The following RPRD1B variants were observed in gnomAD, a reference collection of about 807,000 sequenced individuals.
RPRD1B encodes regulation of nuclear pre-mRNA domain containing 1B.
In RPRD1B, 11 loss-of-function variants were observed where a neutral mutation model predicts 41.5. The observed-to-expected ratio is 0.27, with a 90% CI of 0.17 to 0.44. The LOEUF (loss-of-function observed/expected upper bound fraction) is 0.44, where lower values mean the gene tolerates loss of function less well. Among genes scored for constraint, RPRD1B ranks in the 20% least tolerant of loss-of-function variants. RPRD1B has a pLI of 1.00. For synonymous variants in RPRD1B, 158 were observed against 155.6 expected, an observed-to-expected ratio of 1.02 and a Z score of -0.12; for missense variants, 248 against 389.9, an observed-to-expected ratio of 0.64 and a Z score of 3.06.
intron 6 of RPRD1B, among the ~76,000 whole-genome samples, chr20:38,088,684 A>G (rs978621322): frequency 6.6e-6 from 1 of 152,242 alleles, no homozygotes; most frequent in Non-Finnish European, 1.5e-5. Context: ...AAGAAAAAAA[A>G]TATGCCCCAT....
intron 6 of RPRD1B, chr20:38,070,342 A>T (rs2074399298): frequency 2.0e-6 from 2 of 985,402 alleles, no homozygotes; most frequent in Non-Finnish European, 2.4e-6. Context: ...AAAACCTAGA[A>T]ATGGAGAAGG....
At chr20:38,035,759 A>ATT (rs909716153) in intron 1 of RPRD1B, among the ~76,000 whole-genome samples, 1 of 139,882 alleles carries the variant, frequency 7.1e-6, no homozygotes, top group Non-Finnish European at 1.5e-5. Context: ...CTCAGGTGTC[A>ATT]TTTTTTTTGT....
chr20:38,074,924 TTC>T (rs1424562605), intron 6 of RPRD1B, among the ~76,000 whole-genome samples: 1 of 152,238 alleles, frequency 6.6e-6, no homozygotes, highest in Non-Finnish European at 1.5e-5. Context: ...GCAGATAATT[TTC>T]TGTCATGCTT....
intron 1 of RPRD1B, among the ~76,000 whole-genome samples, chr20:38,036,716 C>A (rs1423387901): frequency 6.6e-5 from 10 of 152,218 alleles, no homozygotes; most frequent in Non-Finnish European, 1.3e-4. Flanking sequence ...CTATCTAATA[C>A]AATTTTCTGT....
At chr20:38,049,367 CTT>C (rs11481142) in intron 3 of RPRD1B, among the ~76,000 whole-genome samples, 2 of 93,418 alleles carry the variant, frequency 2.1e-5, no homozygotes, top group African/African-American at 4.4e-5. Context: ...TTCTTTTTTT[CTT>C]TTTTTTTTTT....
chr20:38,044,236 A>G (rs2074098157), intron 2 of RPRD1B, among the ~76,000 whole-genome samples: 1 of 152,212 alleles, frequency 6.6e-6, no homozygotes, highest in Non-Finnish European at 1.5e-5. Flanking sequence ...TTCCTCTAGC[A>G]CTGAGTTGTG....
intron 3 of RPRD1B, among the ~76,000 whole-genome samples, chr20:38,050,902 C>G (rs891529347): frequency 6.6e-6 from 1 of 152,240 alleles, no homozygotes; most frequent in Admixed American, 6.5e-5. Context: ...TCTTCACTCT[C>G]TGGACCTGAG....
At position 38,066,272 on chromosome 20, in the gene RPRD1B, G is replaced by A. The variant is rs201247490; in HGVS notation, c.831+16G>A. On this transcript the variant is annotated intron_variant, in intron 6 of 6. Transcript: ENST00000373433. Reference sequence around the variant, plus strand: ...AAAACTAGAGGTGAGTGCATTGAAGGCAGACCCAGACTGCCCACGTTTCCC... The same window carrying A: ...AAAACTAGAGGTGAGTGCATTGAAGACAGACCCAGACTGCCCACGTTTCCC... 1.1e-3 allele frequency: 1,826 copies of A among 1,612,732 alleles called. 44 individuals are homozygous for A. In the South Asian group the frequency reaches 0.017, roughly 15 times the overall value.
At chr20:38,034,722 A>ACCTCT (rs1011733080) in intron 1 of RPRD1B, among the ~76,000 whole-genome samples, 58 of 151,360 alleles carry the variant, frequency 3.8e-4, no homozygotes, top group Non-Finnish European at 6.6e-4. Flanking sequence ...CCCAGACCTT[A>ACCTCT]CCTCTCCTCT....
chr20:38,050,609 A>G (rs1225760362), intron 3 of RPRD1B, among the ~76,000 whole-genome samples: 1 of 152,242 alleles, frequency 6.6e-6, no homozygotes, highest in Non-Finnish European at 1.5e-5. Flanking sequence ...TTGAATAAAC[A>G]GATATGCTAG....
At chr20:38,035,982 T>C (rs1225146950) in intron 1 of RPRD1B, among the ~76,000 whole-genome samples, 1 of 152,020 alleles carries the variant, frequency 6.6e-6, no homozygotes. Flanking sequence ...GCCAGGATGG[T>C]CTTGATCTCC....
chr20:38,045,954 G>A (rs376096560), intron 2 of RPRD1B, among the ~76,000 whole-genome samples: 3 of 152,162 alleles, frequency 2.0e-5, no homozygotes, highest in Non-Finnish European at 2.9e-5. Flanking sequence ...TTCAGGGCTC[G>A]CTGTAATTGA....
chr20:38,066,669 T>C (rs984477173), intron 6 of RPRD1B, among the ~76,000 whole-genome samples: 3 of 152,244 alleles, frequency 2.0e-5, no homozygotes, highest in Admixed American at 1.3e-4. Context: ...TTTCTTTTTT[T>C]TTTTGAGACG....
At chr20:38,058,101 C>T (rs1203631253) in intron 4 of RPRD1B, among the ~76,000 whole-genome samples, 1 of 151,852 alleles carries the variant, frequency 6.6e-6, no homozygotes, top group Non-Finnish European at 1.5e-5. Flanking sequence ...TAGTCTTTAC[C>T]CATGTGTTTG....
intron 4 of RPRD1B, among the ~76,000 whole-genome samples, chr20:38,058,580 T>G (rs2074266637): frequency 6.6e-6 from 1 of 152,254 alleles, no homozygotes; most frequent in East Asian, 1.9e-4. Flanking sequence ...GTATCCCTGG[T>G]TTACTTTTCT....
chr20:38,061,423 A>G (rs1401218777), intron 5 of RPRD1B, among the ~76,000 whole-genome samples: 3 of 151,806 alleles, frequency 2.0e-5, no homozygotes, highest in African/African-American at 4.8e-5. Context: ...ATTTCTCTAC[A>G]TGGACATGCT....
Position 38,090,884 on chromosome 20 carries a change from GGTCCGTCTGTCA to G in RPRD1B, c.*1010_*1021del. The stretch of plus-strand genomic sequence containing the variant: ...ATCACTGCAAATAGGACGCTGAGCA[GGTCCGTCTGTCA>G]TGTCACGCCACTGCACAGGTCCTTG... On this transcript the variant is annotated 3_prime_UTR_variant, in exon 7 of 7. Coordinates refer to ENST00000373433, the MANE Select transcript of RPRD1B (RefSeq NM_021215.4). The G allele has an allele frequency of 1.0e-6, 1 of 985,238 alleles. No individual in the cohort carries two copies. Among genetic ancestry groups the G allele is most frequent in the South Asian group, 4.7e-5 (1 of 21,278 alleles). 61.0% of individuals were successfully genotyped at this position (985,238 alleles called of 1,614,324 possible).
intron 6 of RPRD1B, among the ~76,000 whole-genome samples, chr20:38,087,936 G>C (rs2074577133): frequency 6.6e-6 from 1 of 152,210 alleles, no homozygotes; most frequent in African/African-American, 2.4e-5. Flanking sequence ...GGTGGATGCT[G>C]GGGGAAGCAG....
At chr20:38,057,816 G>T (rs1266777064) in intron 4 of RPRD1B, among the ~76,000 whole-genome samples, 172 bp downstream of exon 4, 1 of 152,180 alleles carries the variant, frequency 6.6e-6, no homozygotes, top group South Asian at 2.1e-4. Context: ...GCAGGTGTCA[G>T]TATGTCTTTG....
Sources: gnomAD v4.1 joint callset for allele counts (sites outside exome capture counted in the v4.1 genomes callset) on GRCh38, gnomAD v4.1.1 for gene constraint, MANE v1.5 for transcripts, NCBI Gene and HGNC (gene_info 2026-07-23, HGNC 2026-07-21) for gene names.